PTPRD: variants seen among roughly 807,000 people sequenced by gnomAD.
PTPRD encodes the protein protein tyrosine phosphatase receptor type D, also known as receptor-type tyrosine-protein phosphatase delta.
Under a neutral mutation model 214.5 loss-of-function variants are expected in PTPRD, and 34 were observed. The observed-to-expected ratio is 0.16, with a 90% CI of 0.12 to 0.21. PTPRD has a LOEUF of 0.21. Among genes scored for constraint, PTPRD ranks in the 10% least tolerant of loss-of-function variants. The pLI is 1.00. For synonymous variants in PTPRD, 1,128 were observed against 845.7 expected, an observed-to-expected ratio of 1.33 and a Z score of -5.79; for missense variants, 2,545 against 2,398.7, an observed-to-expected ratio of 1.06 and a Z score of -1.27.
chr9:10,474,061 G>A (rs2099047567), intron 2 of PTPRD, among the ~76,000 whole-genome samples: 1 of 152,104 alleles, frequency 6.6e-6, no homozygotes, highest in Admixed American at 6.6e-5. Flanking sequence ...GTGACACTAT[G>A]AATAAACTGC....
chr9:8,727,012 C>T (rs1264699549), intron 12 of PTPRD, among the ~76,000 whole-genome samples: 1 of 151,422 alleles, frequency 6.6e-6, no homozygotes, highest in African/African-American at 2.4e-5. Context: ...AGATCAGGTA[C>T]ATAGAAACAG....
chr9:8,726,069 T>G (rs1170592730), intron 12 of PTPRD, among the ~76,000 whole-genome samples: 1 of 145,204 alleles, frequency 6.9e-6, no homozygotes, highest in Non-Finnish European at 1.5e-5. Context: ...ACACACAGTT[T>G]AGTGAAGAAA....
At chr9:9,594,184 C>T (rs113662680) in intron 7 of PTPRD, among the ~76,000 whole-genome samples, 27 of 152,186 alleles carry the variant, frequency 1.8e-4, no homozygotes, top group African/African-American at 6.0e-4. Context: ...CTGAGCTACA[C>T]ATTTCCCAGG....
At chr9:9,423,085 T>C (rs886962751) in intron 8 of PTPRD, among the ~76,000 whole-genome samples, 9 of 152,156 alleles carry the variant, frequency 5.9e-5, no homozygotes, top group Non-Finnish European at 1.0e-4. Flanking sequence ...AAGTTCTTGT[T>C]TGGAGGGATA....
At chr9:8,768,633 A>G (rs1327779775) in intron 11 of PTPRD, among the ~76,000 whole-genome samples, 1 of 152,196 alleles carries the variant, frequency 6.6e-6, no homozygotes, top group African/African-American at 2.4e-5. Flanking sequence ...GCTAAAAAGT[A>G]AAAAATGTAA....
At chr9:8,503,939 G>A (rs142052566) in intron 23 of PTPRD, among the ~76,000 whole-genome samples, 110 of 152,262 alleles carry the variant, frequency 7.2e-4, no homozygotes, top group East Asian at 6.0e-3. Context: ...GGTTCTCAAT[G>A]TGAATTTTGC....
At chr9:9,984,954 G>A (rs1327677478) in intron 4 of PTPRD, among the ~76,000 whole-genome samples, 2 of 152,168 alleles carry the variant, frequency 1.3e-5, no homozygotes, top group African/African-American at 2.4e-5. Flanking sequence ...GCTGGATACT[G>A]AGGAAGATTA....
chr9:8,338,690 G>T (rs3780336), intron 43 of PTPRD, among the ~76,000 whole-genome samples: 20,505 of 151,958 alleles, frequency 0.13, 1,837 homozygotes, highest in East Asian at 0.35. Context: ...AGGTTGAGCT[G>T]CCAGATGTTA....
intron 12 of PTPRD, among the ~76,000 whole-genome samples, chr9:8,698,952 T>G (rs1226282400): frequency 6.6e-6 from 1 of 152,076 alleles, no homozygotes; most frequent in Non-Finnish European, 1.5e-5. Flanking sequence ...ATAATAATAT[T>G]AGAAGCACTC....
chr9:8,936,427 C>CAGA (rs2098997640), intron 11 of PTPRD, among the ~76,000 whole-genome samples: 1 of 31,640 alleles, frequency 3.2e-5, no homozygotes, highest in Non-Finnish European at 5.2e-5. Context: ...ACCCTGCCTC[C>CAGA]AAAAAAAAAA....
chr9:8,944,138 G>T (rs555032629), intron 11 of PTPRD, among the ~76,000 whole-genome samples: 1 of 152,068 alleles, frequency 6.6e-6, no homozygotes, highest in Non-Finnish European at 1.5e-5. Context: ...TGGCAAAAAG[G>T]AATATGGAAA....
chr9:10,140,980 CA>C (rs1271591989), intron 3 of PTPRD, among the ~76,000 whole-genome samples: 1 of 151,962 alleles, frequency 6.6e-6, no homozygotes, highest in Non-Finnish European at 1.5e-5. Flanking sequence ...AGCATATAAA[CA>C]GAACCAAAGA....
chr9:9,798,037 T>C (rs919741182), intron 5 of PTPRD, among the ~76,000 whole-genome samples: 6 of 152,072 alleles, frequency 3.9e-5, no homozygotes, highest in Admixed American at 2.0e-4. Flanking sequence ...CAAAAGACGA[T>C]TGGAACCTCA....
intron 11 of PTPRD, among the ~76,000 whole-genome samples, chr9:8,917,429 G>T (rs144156606): frequency 2.0e-5 from 3 of 151,698 alleles, no homozygotes; most frequent in Non-Finnish European, 4.4e-5. Flanking sequence ...GAGCCACCGC[G>T]CCCGGCCTAC....
At position 8,316,621 on chromosome 9, in the gene PTPRD, T is replaced by TAATA. The variant is rs1821981795; in HGVS notation, c.*1249_*1252dup. On this transcript the variant is annotated 3_prime_UTR_variant, in exon 46 of 46. Transcript: ENST00000381196. ...ACATGCACACCTCTTAGCTATTTAATAATAATTTTTATTGCACTAGAGTGT... is the reference window on the plus strand; with the variant it reads ...ACATGCACACCTCTTAGCTATTTAATAATAAATAATTTTTATTGCACTAGAGTGT... 6 of 230,606 alleles carry TAATA rather than the reference T, an allele frequency of 2.6e-5. No individual in the cohort carries two copies. The highest frequency in any genetic ancestry group is 3.6e-4 in the South Asian group (2 of 5,508). The allele number at this position is 230,606 out of a possible 1,614,324, so 14.3% of individuals were successfully genotyped here. A position where few individuals can be genotyped will look rare whatever the true frequency, so the allele number is the denominator to read the frequency against.
intron 4 of PTPRD, among the ~76,000 whole-genome samples, chr9:10,013,657 C>G (rs1212117042): frequency 2.0e-5 from 3 of 151,670 alleles, no homozygotes; most frequent in African/African-American, 7.3e-5. Flanking sequence ...TACAAAGACT[C>G]CAGTACACAT....
chr9:8,427,651 T>G (rs2094773955), intron 35 of PTPRD, among the ~76,000 whole-genome samples: 1 of 152,072 alleles, frequency 6.6e-6, no homozygotes, highest in Admixed American at 6.6e-5. Context: ...TTTCTTTCAG[T>G]CTTTTATTCT....
chr9:9,234,869 C>T (rs1040979147), intron 9 of PTPRD, among the ~76,000 whole-genome samples: 1 of 152,166 alleles, frequency 6.6e-6, no homozygotes, highest in Non-Finnish European at 1.5e-5. Context: ...CTACATCTTC[C>T]TTTCTTCTTC....
intron 2 of PTPRD, among the ~76,000 whole-genome samples, chr9:10,412,715 A>G (rs948589616): frequency 5.9e-5 from 9 of 151,534 alleles, no homozygotes; most frequent in Non-Finnish European, 1.3e-4. Flanking sequence ...ACCCTCAAAA[A>G]ACACTTGAAA....
Sources: gnomAD v4.1 joint callset for allele counts (sites outside exome capture counted in the v4.1 genomes callset) on GRCh38, gnomAD v4.1.1 for gene constraint, MANE v1.5 for transcripts, NCBI Gene and HGNC (gene_info 2026-07-23, HGNC 2026-07-21) for gene names.